Variants in ZNF804B observed in about 807,000 individuals in gnomAD.
ZNF804B encodes the protein zinc finger 804B.
A neutral mutation model predicts 101.4 loss-of-function variants in ZNF804B; 80 were observed. The ratio of observed to expected loss-of-function variants is 0.79; its 90% CI spans 0.66 to 0.95. The LOEUF (loss-of-function observed/expected upper bound fraction) is 0.95. Among genes scored for constraint, ZNF804B ranks in the 40% least tolerant of loss-of-function variants. The probability of loss-of-function intolerance (pLI) is 0.00; values close to 1 mark genes in which losing one functional copy is unlikely to be tolerated. For synonymous variants in ZNF804B, 622 were observed against 558.8 expected (o/e 1.11, Z -1.59); for missense variants, 1,673 against 1,561.9 (o/e 1.07, Z -1.20).
chr7:89,154,628 A>G (rs1408529799), intron 1 of ZNF804B, among the ~76,000 whole-genome samples: 3 of 152,152 alleles, frequency 2.0e-5, no homozygotes, highest in Non-Finnish European at 2.9e-5. Flanking sequence ...CAAACATCAC[A>G]TGTTCTCACT....
intron 1 of ZNF804B, chr7:88,794,668 T>G: frequency 6.2e-7 from 1 of 1,613,828 alleles, no homozygotes; most frequent in Non-Finnish European, 8.5e-7. Context: ...GGAAGTGGGA[T>G]AGATGAGCAG....
chr7:88,898,462 T>C (rs781438065), intron 1 of ZNF804B, among the ~76,000 whole-genome samples: 1 of 151,840 alleles, frequency 6.6e-6, no homozygotes, highest in Non-Finnish European at 1.5e-5. Context: ...ACTAGATACT[T>C]TGTTATCCAT....
At chr7:89,292,773 T>TA (rs1482276263) in intron 2 of ZNF804B, among the ~76,000 whole-genome samples, 2 of 152,004 alleles carry the variant, frequency 1.3e-5, no homozygotes, top group Non-Finnish European at 2.9e-5. Context: ...TGTAATGAAA[T>TA]AATTGGATGA....
chr7:88,911,410 C>A lies in ZNF804B; in HGVS notation c.108+151326C>A, dbSNP rs144019568. ...TAAGGCCCAGTACAAATGTATATATCATTATATAAGTAGTTATAATATTAT... is the reference window on the plus strand; with the variant it reads ...TAAGGCCCAGTACAAATGTATATATAATTATATAAGTAGTTATAATATTAT... On this transcript the variant is annotated intron_variant, in intron 1 of 3. Transcript: ENST00000333190. 3.4e-3 allele frequency among the ~76,000 whole-genome samples: 509 copies of A among 149,090 alleles called. 2 individuals carry two copies. Among genetic ancestry groups the A allele is most frequent in the African/African-American group, 0.011 (468 of 40,926 alleles).
intron 1 of ZNF804B, among the ~76,000 whole-genome samples, chr7:89,034,500 G>A (rs528294141): frequency 1.3e-5 from 2 of 152,018 alleles, no homozygotes; most frequent in Non-Finnish European, 2.9e-5. Flanking sequence ...AACATGCGGT[G>A]TTTGGTTTTC....
intron 2 of ZNF804B, among the ~76,000 whole-genome samples, chr7:89,299,690 C>G (rs1234711055): frequency 6.6e-6 from 1 of 152,044 alleles, no homozygotes; most frequent in African/African-American, 2.4e-5. Context: ...ACGTGACTCA[C>G]TGCTCTAAAA....
intron 1 of ZNF804B, among the ~76,000 whole-genome samples, chr7:88,766,689 A>G (rs1789988568): frequency 6.6e-6 from 1 of 152,172 alleles, no homozygotes; most frequent in African/African-American, 2.4e-5. Flanking sequence ...CGTTATTTTT[A>G]CATTTATATT....
intron 1 of ZNF804B, among the ~76,000 whole-genome samples, chr7:88,780,346 CT>C (rs1295160905): frequency 2.1e-5 from 3 of 145,200 alleles, no homozygotes; most frequent in African/African-American, 5.1e-5. Flanking sequence ...GATATTCAGA[CT>C]TTTTTTAAGT....
At chr7:88,857,833 T>C (rs1791592580) in intron 1 of ZNF804B, among the ~76,000 whole-genome samples, 2 of 128,324 alleles carry the variant, frequency 1.6e-5, no homozygotes, top group South Asian at 2.8e-4. Flanking sequence ...TTTTTTTTTT[T>C]TTTTTTTTTT....
chr7:88,856,399 T>C (rs1182952950), intron 1 of ZNF804B, among the ~76,000 whole-genome samples: 4 of 152,176 alleles, frequency 2.6e-5, no homozygotes, highest in Non-Finnish European at 5.9e-5. Flanking sequence ...ATGATTTGGC[T>C]CTCTGTTTGT....
At chr7:88,866,909 C>A (rs1335818406) in intron 1 of ZNF804B, among the ~76,000 whole-genome samples, 1 of 152,146 alleles carries the variant, frequency 6.6e-6, no homozygotes, top group Non-Finnish European at 1.5e-5. Context: ...TGATTACAGT[C>A]AAGCCTGATC....
intron 2 of ZNF804B, among the ~76,000 whole-genome samples, chr7:89,239,135 A>G (rs768177614): frequency 1.3e-5 from 2 of 152,116 alleles, no homozygotes; most frequent in African/African-American, 2.4e-5. Context: ...GAGGCCTGGA[A>G]TCTTATAAGA....
At chr7:89,273,133 A>G (rs1789924572) in intron 2 of ZNF804B, among the ~76,000 whole-genome samples, 1 of 152,158 alleles carries the variant, frequency 6.6e-6, no homozygotes. Context: ...TGTCATCATA[A>G]AAATGCACAA....
intron 1 of ZNF804B, among the ~76,000 whole-genome samples, chr7:89,206,883 A>G (rs1285344344): frequency 6.6e-6 from 1 of 152,234 alleles, no homozygotes. Flanking sequence ...TCTCAAGTTC[A>G]AAGTTTCACA....
At chr7:89,228,061 C>T (rs1296834510) in intron 2 of ZNF804B, among the ~76,000 whole-genome samples, 2 of 152,072 alleles carry the variant, frequency 1.3e-5, no homozygotes, top group Non-Finnish European at 2.9e-5. Context: ...AAGCTGCAGA[C>T]CCTCGCGGTG....
chr7:89,243,201 G>T (rs80228481), intron 2 of ZNF804B, among the ~76,000 whole-genome samples: 7,194 of 151,502 alleles, frequency 0.047, 548 homozygotes, highest in African/African-American at 0.16. Context: ...GCCTTTATGA[G>T]TAAACATAAA....
At chr7:88,989,399 T>C (rs768499267) in intron 1 of ZNF804B, among the ~76,000 whole-genome samples, 1 of 152,148 alleles carries the variant, frequency 6.6e-6, no homozygotes, top group Non-Finnish European at 1.5e-5. Context: ...AACAAAACAC[T>C]GAGCCACGTT....
intron 1 of ZNF804B, among the ~76,000 whole-genome samples, chr7:89,031,447 C>T (rs1163527588): frequency 1.3e-5 from 2 of 151,930 alleles, no homozygotes; most frequent in South Asian, 2.1e-4. Context: ...ACATTTTTCT[C>T]TCAGTCTCCA....
intron 1 of ZNF804B, among the ~76,000 whole-genome samples, chr7:89,107,616 T>G (rs1277887625): frequency 6.6e-6 from 1 of 152,160 alleles, no homozygotes; most frequent in Non-Finnish European, 1.5e-5. Context: ...TTTCTCTTCC[T>G]GTCAAACAAG....
Sources: allele counts gnomAD v4.1 joint callset (sites outside exome capture counted in the v4.1 genomes callset), GRCh38; gene constraint gnomAD v4.1.1; transcripts MANE v1.5; gene names NCBI Gene and HGNC (gene_info 2026-07-23, HGNC 2026-07-21).